CYFIP2: variants seen among roughly 807,000 people sequenced by gnomAD.
The protein encoded by CYFIP2 is cytoplasmic FMR1 interacting protein 2, also known as cytoplasmic FMR1-interacting protein 2.
CYFIP2 carries 29 observed loss-of-function variants against 158.7 expected under a neutral mutation model. The observed-to-expected ratio is 0.18, with a 90% confidence interval of 0.14 to 0.25. The LOEUF (loss-of-function observed/expected upper bound fraction) is 0.25. Ranked by LOEUF, CYFIP2 falls within the 10% of genes least tolerant of loss-of-function variation. The probability of loss-of-function intolerance (pLI) is 1.00; values close to 1 mark genes in which losing one functional copy is unlikely to be tolerated. For missense variants in CYFIP2, 852 were observed against 1,639.5 expected (o/e 0.52, Z 8.29); for synonymous variants, 585 against 617.6 (o/e 0.95, Z 0.78).
intron 1 of CYFIP2, among the ~76,000 whole-genome samples, chr5:157,274,436 G>GA (rs1270453156): frequency 6.6e-6 from 1 of 152,158 alleles, no homozygotes; most frequent in Non-Finnish European, 1.5e-5. Flanking sequence ...TTTTATGGCT[G>GA]AAAAATACTC....
chr5:157,331,058 C>T (rs1581076620), intron 20 of CYFIP2, among the ~76,000 whole-genome samples: 1 of 152,124 alleles, frequency 6.6e-6, no homozygotes, highest in East Asian at 1.9e-4. Flanking sequence ...TGGGCTTCTC[C>T]ACCCATCTAT....
Position 157,383,114 on chromosome 5 carries a change from TCA to T in CYFIP2, c.3113-147_3113-146del, listed in dbSNP as rs200014530. On this transcript the variant is annotated intron_variant, in intron 27 of 30. Transcript: ENST00000620254. ...GAACATTTTTCCTTGTAAAAACTACTCACACTTTCCAGAACGAAGGAGAGCAG... is the reference window on the plus strand; with the variant it reads ...GAACATTTTTCCTTGTAAAAACTACTCACTTTCCAGAACGAAGGAGAGCAG... 1.0e-3 allele frequency: 662 copies of T among 649,006 alleles called. 9 individuals carry two copies. In the East Asian group the frequency reaches 0.016, roughly 16 times the overall value. 40.2% of individuals were successfully genotyped at this position (649,006 alleles called of 1,614,324 possible). A position where few individuals can be genotyped will look rare whatever the true frequency, so the allele number is the denominator to read the frequency against.
At chr5:157,368,779 C>G (rs1334848977) in intron 26 of CYFIP2, among the ~76,000 whole-genome samples, 3 of 151,834 alleles carry the variant, frequency 2.0e-5, no homozygotes, top group Non-Finnish European at 4.4e-5. Flanking sequence ...GTGAGAGACT[C>G]CAGGGCATAT....
chr5:157,312,327 C>CT (rs967215648), intron 11 of CYFIP2, among the ~76,000 whole-genome samples: 87 of 144,780 alleles, frequency 6.0e-4, no homozygotes, highest in East Asian at 2.2e-3. Flanking sequence ...TTTTTAAAAA[C>CT]TTTTTTTTTT....
In CYFIP2 at chr5:157,378,927, C is replaced by T. The variant is rs376231890; in HGVS notation, c.3040-3663C>T. On this transcript the variant is annotated intron_variant, in intron 26 of 30. Transcript: ENST00000620254. ...GCTAATTGCACATTATAACTTAATT[C>T]CATTAAGTTCTTAATTGCACATTAT... is the stretch of plus-strand genomic sequence containing the variant. Among the ~76,000 whole-genome samples, 16 of 152,248 alleles carry T rather than the reference C, an allele frequency of 1.1e-4. No individual in the cohort carries two copies. In the East Asian group the frequency reaches 1.9e-3, roughly 18 times the overall value.
chr5:157,320,195 C>G (rs1022268656), intron 14 of CYFIP2, among the ~76,000 whole-genome samples: 1 of 152,238 alleles, frequency 6.6e-6, no homozygotes, highest in Non-Finnish European at 1.5e-5. Context: ...GATTATAATG[C>G]TACCTGCTGC....
chr5:157,387,559 C>T (rs917103610), intron 28 of CYFIP2, among the ~76,000 whole-genome samples: 2 of 152,168 alleles, frequency 1.3e-5, no homozygotes, highest in South Asian at 2.1e-4. Context: ...ATTTACTGAG[C>T]GTCTCCCCTG....
At chr5:157,288,129 A>G (rs1341594956) in intron 3 of CYFIP2, among the ~76,000 whole-genome samples, 1 of 152,148 alleles carries the variant, frequency 6.6e-6, no homozygotes. Context: ...GCTTATGATT[A>G]TGGAGGCTGG....
chr5:157,343,609 G>A (rs1203856622), intron 23 of CYFIP2: 1 of 1,280,898 alleles, frequency 7.8e-7, no homozygotes, highest in African/African-American at 1.5e-5. Flanking sequence ...CATAATCATA[G>A]CCACCATTTA....
intron 9 of CYFIP2, 65 bp downstream of exon 9, chr5:157,307,930 G>GA: frequency 1.1e-6 from 1 of 886,158 alleles, no homozygotes; most frequent in Non-Finnish European, 1.8e-6. Context: ...GTCTTTGGGG[G>GA]AAAGGGATGA....
chr5:157,324,989 TTTATTA>T (rs947293870), intron 16 of CYFIP2: 11 of 151,774 alleles, frequency 7.2e-5, no homozygotes, highest in African/African-American at 2.2e-4. Flanking sequence ...ATTTTTTTAA[TTTATTA>T]TTATTATTAT....
At chr5:157,370,297 G>C (rs1282651347) in intron 26 of CYFIP2, among the ~76,000 whole-genome samples, 1 of 152,196 alleles carries the variant, frequency 6.6e-6, no homozygotes, top group Non-Finnish European at 1.5e-5. Flanking sequence ...TTGATGCTTA[G>C]TTGTCACAGT....
In CYFIP2 at chr5:157,361,712, T is replaced by C; in HGVS notation, c.3039+114T>C. 4 of 1,317,728 alleles carry C rather than the reference T, an allele frequency of 3.0e-6. No individual in the cohort carries two copies. Among genetic ancestry groups the C allele is most frequent in the Non-Finnish European group, 3.1e-6 (3 of 958,978 alleles). 81.6% of individuals were successfully genotyped at this position (1,317,728 alleles called of 1,614,324 possible). A position where few individuals can be genotyped will look rare whatever the true frequency, so the allele number is the denominator to read the frequency against. Reference sequence around the variant, plus strand: ...TTTGTGCTTTGAGTACAAGCTCACATGCTCTTTTCAGTTCATTTCCAGACA... The same window carrying C: ...TTTGTGCTTTGAGTACAAGCTCACACGCTCTTTTCAGTTCATTTCCAGACA... On this transcript the variant is annotated intron_variant, in intron 26 of 30. Transcript: ENST00000620254. This position sits in a 1 kb window ranked among gnomAD's most constrained non-coding sequence, Gnocchi z 4.4.
chr5:157,326,802 G>T (rs768030582), intron 18 of CYFIP2, among the ~76,000 whole-genome samples: 1 of 152,180 alleles, frequency 6.6e-6, no homozygotes, highest in Non-Finnish European at 1.5e-5. Flanking sequence ...GAAGCTCAAA[G>T]TGCAGGTCAG....
chr5:157,287,975 C>T (rs571743955), intron 3 of CYFIP2, among the ~76,000 whole-genome samples: 47 of 152,040 alleles, frequency 3.1e-4, no homozygotes, highest in Middle Eastern at 6.8e-3. Flanking sequence ...CACCTATAGT[C>T]GCAGCTACGT....
At chr5:157,305,415 G>T (rs1759131307) in intron 8 of CYFIP2, among the ~76,000 whole-genome samples, 1 of 152,174 alleles carries the variant, frequency 6.6e-6, no homozygotes, top group Non-Finnish European at 1.5e-5. Context: ...TTTCATTCCA[G>T]AATTGTCATA....
At position 157,319,839 on chromosome 5, in the gene CYFIP2, C is replaced by A. The variant is rs1191675554; in HGVS notation, c.1434C>A (p.Thr478=). ...TCTTCAACCAGGCCATCAGGAACAC[C>A]ATCTACGCGGCATTGCAGGACTTCG... ...ESVFNQAIRN[T]IYAALQDFAQ... is the part of the protein sequence containing the mutation. The change falls in exon 14 of 31, where the codon ACC becomes ACA. Residue 478 remains threonine, a synonymous_variant. Transcript: ENST00000620254. 1 of 1,613,998 alleles carries A rather than the reference C, an allele frequency of 6.2e-7. No homozygotes were observed. The highest frequency in any genetic ancestry group is 1.3e-5 in the African/African-American group (1 of 74,952).
chr5:157,335,012 G>C (rs544360408), intron 21 of CYFIP2, among the ~76,000 whole-genome samples: 7 of 152,204 alleles, frequency 4.6e-5, no homozygotes, highest in African/African-American at 1.7e-4. Context: ...TTTTCTGTAA[G>C]TCTAACATTA....
chr5:157,278,197 T>C (rs1756713988), intron 1 of CYFIP2, among the ~76,000 whole-genome samples: 1 of 151,960 alleles, frequency 6.6e-6, no homozygotes, highest in African/African-American at 2.4e-5. Flanking sequence ...TGTATACATA[T>C]GTGTATATAT....
Sources: gnomAD v4.1 joint callset for allele counts (sites outside exome capture counted in the v4.1 genomes callset) on GRCh38, gnomAD v4.1.1 for gene constraint, Gnocchi (gnomAD v3.1) non-coding constraint, MANE v1.5 for transcripts, NCBI Gene and HGNC (gene_info 2026-07-23, HGNC 2026-07-21) for gene names.